The following ALG6 variants were observed in gnomAD, a reference collection of about 807,000 sequenced individuals.
ALG6 encodes ALG6 alpha-1,3-glucosyltransferase.
Under a neutral mutation model 66.6 loss-of-function variants are expected in ALG6, and 46 were observed. The observed-to-expected ratio is 0.69, with a 90% CI of 0.55 to 0.88. The LOEUF (loss-of-function observed/expected upper bound fraction) is 0.88, where lower values mean the gene tolerates loss of function less well. ALG6 is among the 40% of genes least tolerant of loss of function. The pLI is 0.00. For synonymous variants in ALG6, 185 were observed against 203.7 expected, an observed-to-expected ratio of 0.91 and a Z score of 0.78; for missense variants, 505 against 586.8, an observed-to-expected ratio of 0.86 and a Z score of 1.44.
At chr1:63,411,090 T>TA (rs761677175) in intron 7 of ALG6, 56 bp from the exon 8 acceptor site, 1 of 1,587,196 alleles carries the variant, frequency 6.3e-7, no homozygotes, top group East Asian at 2.2e-5. Flanking sequence ...ATTTGCTTTT[T>TA]AAAAGCTCTA....
intron 2 of ALG6, among the ~76,000 whole-genome samples, chr1:63,377,904 T>C (rs1475044009): frequency 6.6e-6 from 1 of 152,076 alleles, no homozygotes; most frequent in Non-Finnish European, 1.5e-5. Flanking sequence ...CAGCTAAATA[T>C]ATGTTTTTTT....
At chr1:63,395,943 C>T (rs985065407) in intron 2 of ALG6, among the ~76,000 whole-genome samples, 2 of 152,052 alleles carry the variant, frequency 1.3e-5, no homozygotes, top group African/African-American at 4.8e-5. Context: ...CTTGCATTAT[C>T]CCCTAAACAA....
At chr1:63,409,559 A>G (rs1644506479) in intron 7 of ALG6, among the ~76,000 whole-genome samples, 1 of 152,090 alleles carries the variant, frequency 6.6e-6, no homozygotes. Context: ...TGTTAGGTAT[A>G]TTTTTAATTT....
Position 63,422,408 on chromosome 1 carries a change from A to AATATATATATAAATATAAATATAT in ALG6, c.1058+2973_1058+2974insTATATAAATATAAATATATATATA, listed in dbSNP as rs1557595345. On this transcript the variant is annotated intron_variant, in intron 12 of 14. Transcript: ENST00000263440. ...ATATATATAAATATATATCTATATA[A>AATATATATATAAATATAAATATAT]ATATAAATATATATATAAATATAAA... Among the ~76,000 whole-genome samples, 46 of 85,940 alleles carry AATATATATATAAATATAAATATAT rather than the reference A, an allele frequency of 5.4e-4. 2 individuals carry two copies. Among genetic ancestry groups the AATATATATATAAATATAAATATAT allele is most frequent in the South Asian group, 1.3e-3 (4 of 3,086 alleles). The allele number at this position is 85,940 out of a possible 152,430, so 56.4% of individuals were successfully genotyped here. A position where few individuals can be genotyped will look rare whatever the true frequency, so the allele number is the denominator to read the frequency against.
At position 63,396,698 on chromosome 1, in the gene ALG6, C is replaced by T. The variant is rs1464268397; in HGVS notation, c.167+101C>T. The T allele has an allele frequency of 1.1e-5, 12 of 1,049,814 alleles. No homozygotes were observed. In the East Asian group the frequency reaches 2.8e-4, roughly 24 times the overall value. 65.0% of individuals were successfully genotyped at this position (1,049,814 alleles called of 1,614,324 possible). A position where few individuals can be genotyped will look rare whatever the true frequency, so the allele number is the denominator to read the frequency against. The stretch of plus-strand genomic sequence containing the variant: ...CGCTATTTTCTTCATCTTGAACATC[C>T]TCATCTCTTGCATGCTGGTGCCACA... On this transcript the variant is annotated intron_variant, in intron 3 of 14. Transcript: ENST00000263440.
chr1:63,403,094 CAAAAAAAAAAAAA>C (rs1160526296), intron 4 of ALG6, among the ~76,000 whole-genome samples: 1 of 65,322 alleles, frequency 1.5e-5, no homozygotes, highest in Non-Finnish European at 3.0e-5. Context: ...GACTCCATCT[CAAAAAAAAAAAAA>C]AAAAAAAAAA....
At chr1:63,400,234 T>C (rs1177689770) in intron 3 of ALG6, among the ~76,000 whole-genome samples, 1 of 21,406 alleles carries the variant, frequency 4.7e-5, no homozygotes, top group African/African-American at 4.0e-4. Context: ...TATATATATA[T>C]ATATATATAC....
chr1:63,406,945 T>A, intron 6 of ALG6, 117 bp from the exon 7 acceptor site: 1 of 753,870 alleles, frequency 1.3e-6, no homozygotes, highest in East Asian at 2.5e-5. Context: ...GAAAAGAAAG[T>A]GTGACACCTC....
intron 2 of ALG6, among the ~76,000 whole-genome samples, chr1:63,385,142 C>G (rs1232416094): frequency 7.3e-6 from 1 of 136,492 alleles, no homozygotes; most frequent in Non-Finnish European, 1.6e-5. Flanking sequence ...GAATTTCTTT[C>G]ATCAGTGTTC....
At chr1:63,419,982 T>C (rs917539612) in intron 12 of ALG6, among the ~76,000 whole-genome samples, 3 of 152,152 alleles carry the variant, frequency 2.0e-5, no homozygotes, top group African/African-American at 4.8e-5. Flanking sequence ...TATCCTAATA[T>C]TAAAATAGTA....
At chr1:63,434,678 T>A (rs1224677966) in intron 14 of ALG6, among the ~76,000 whole-genome samples, 3 of 152,192 alleles carry the variant, frequency 2.0e-5, no homozygotes, top group African/African-American at 4.8e-5. Context: ...CCAAGATAAT[T>A]CTTCTTTTTC....
rs11208211 is a variant in ALG6, at chr1:63,422,226, A to T, written c.1058+2786A>T. Among the ~76,000 whole-genome samples, 111 of 31,368 alleles carry T rather than the reference A, an allele frequency of 3.5e-3. 18 individuals are homozygous for T. The highest frequency in any genetic ancestry group is 0.025 in the Middle Eastern group (1 of 40). The allele number at this position is 31,368 out of a possible 152,430, so 20.6% of individuals were successfully genotyped here. A position where few individuals can be genotyped will look rare whatever the true frequency, so the allele number is the denominator to read the frequency against. On this transcript the variant is annotated intron_variant, in intron 12 of 14. Coordinates refer to ENST00000263440, the MANE Select transcript of ALG6 (RefSeq NM_013339.4). Reference sequence around the variant, plus strand: ...ATGAATATAAATATATATTTATATAAATATAAATATATATATAAATATATA... The same window carrying T: ...ATGAATATAAATATATATTTATATATATATAAATATATATATAAATATATA...
intron 4 of ALG6, 130 bp from the exon 5 acceptor site, chr1:63,404,323 C>A: frequency 1.3e-6 from 1 of 786,814 alleles, no homozygotes; most frequent in South Asian, 1.4e-5. Context: ...AAAACTTAAG[C>A]ATTGACTCTG....
At chr1:63,377,759 G>GA (rs1648180702) in intron 2 of ALG6, among the ~76,000 whole-genome samples, 1 of 151,944 alleles carries the variant, frequency 6.6e-6, no homozygotes, top group Admixed American at 6.6e-5. Context: ...TTAGAGATGG[G>GA]ATCTCACTCT....
rs2179811 is a variant in ALG6, at chr1:63,378,782, C to T, written c.82+7723C>T. Among the ~76,000 whole-genome samples, 13 of 151,036 alleles carry T rather than the reference C, an allele frequency of 8.6e-5. No homozygotes were observed. In the South Asian group the frequency reaches 1.3e-3, roughly 15 times the overall value. ...TCATAATCTCTTGTATTTTCCATCT[C>T]GGGGTTTCTTCACAGTGCTTCCTTT... On this transcript the variant is annotated intron_variant, in intron 2 of 14. Coordinates refer to ENST00000263440, the MANE Select transcript of ALG6 (RefSeq NM_013339.4).
chr1:63,397,920 C>T (rs946059435), intron 3 of ALG6, among the ~76,000 whole-genome samples: 4 of 152,156 alleles, frequency 2.6e-5, no homozygotes, highest in Admixed American at 1.3e-4. Flanking sequence ...ACATGTAAAG[C>T]ACTTAGGCCA....
In ALG6 at chr1:63,411,292, T is replaced by C; in HGVS notation, c.641T>C (p.Leu214Ser). Residue 214 changes from leucine to serine, a missense_variant, in exon 8 of 15, where the codon TTA (leucine) becomes TCA (serine). Leu to Ser is a moderately radical substitution (Grantham distance 145). Transcript: ENST00000263440. The part of the protein sequence containing the change: ...LYHALPFFCF[L>S]LGKCFKKGLK... Reference sequence around the variant, plus strand: ...CACGCCTTGCCATTTTTTTGCTTTTTACTTGGCAAGTGTTTTAAAAAAGGC... The same window carrying C: ...CACGCCTTGCCATTTTTTTGCTTTTCACTTGGCAAGTGTTTTAAAAAAGGC... The C allele has an allele frequency of 6.2e-7, 1 of 1,613,956 alleles. No homozygotes were observed. Among genetic ancestry groups the C allele is most frequent in the Non-Finnish European group, 8.5e-7 (1 of 1,179,884 alleles).
intron 4 of ALG6, among the ~76,000 whole-genome samples, chr1:63,402,959 G>C (rs372729357): frequency 2.5e-4 from 38 of 151,460 alleles, no homozygotes; most frequent in East Asian, 1.4e-3. Flanking sequence ...GTCAGGCGTG[G>C]TGGCACATGC....
At chr1:63,387,270 A>G (rs538597682) in intron 2 of ALG6, among the ~76,000 whole-genome samples, 3 of 152,304 alleles carry the variant, frequency 2.0e-5, no homozygotes, top group African/African-American at 7.2e-5. Context: ...GAAATGTTGT[A>G]TAAATATCTG....
Sources: gnomAD v4.1 joint callset for allele counts (sites outside exome capture counted in the v4.1 genomes callset) on GRCh38, gnomAD v4.1.1 for gene constraint, MANE v1.5 for transcripts, NCBI Gene and HGNC (gene_info 2026-07-23, HGNC 2026-07-21) for gene names.